Variants in PPIL4 observed in about 807,000 individuals in gnomAD.
The protein encoded by PPIL4 is peptidylprolyl isomerase like 4, also known as peptidyl-prolyl cis-trans isomerase-like 4.
In PPIL4, 50 loss-of-function variants were observed where a neutral mutation model predicts 69.1. That is an observed-to-expected ratio of 0.72 (90% CI 0.58 to 0.92). The LOEUF (loss-of-function observed/expected upper bound fraction) is 0.92. PPIL4 is among the 40% of genes least tolerant of loss of function. The pLI is 0.00. For missense variants in PPIL4, 480 were observed against 587.9 expected, an observed-to-expected ratio of 0.82 and a Z score of 1.90; for synonymous variants, 193 against 191.6, an observed-to-expected ratio of 1.01 and a Z score of -0.06.
intron 11 of PPIL4, among the ~76,000 whole-genome samples, chr6:149,515,469 C>T (rs1776930277): frequency 6.6e-6 from 1 of 152,144 alleles, no homozygotes. Flanking sequence ...ATTCTCTAAC[C>T]TCTCGCCCCC....
chr6:149,513,412 A>AATATATATATAT (rs1200919281), intron 11 of PPIL4, among the ~76,000 whole-genome samples: 7 of 55,320 alleles, frequency 1.3e-4, no homozygotes, highest in African/African-American at 4.6e-4. Flanking sequence ...AAAAAAAAAA[A>AATATATATATAT]ATATATATAT....
At chr6:149,536,863 C>CAAGT (rs1211297665) in intron 4 of PPIL4, among the ~76,000 whole-genome samples, 4 of 152,144 alleles carry the variant, frequency 2.6e-5, no homozygotes, top group Non-Finnish European at 5.9e-5. Context: ...CAGTGGCTCA[C>CAAGT]GCCTATGTAA....
chr6:149,541,711 G>A, intron 1 of PPIL4, 125 bp from the exon 2 acceptor site: 2 of 596,080 alleles, frequency 3.4e-6, no homozygotes, highest in Non-Finnish European at 5.9e-6. Flanking sequence ...AATGTCCAAA[G>A]CTATAAAAAA....
At chr6:149,512,007 T>C (rs916652205) in intron 12 of PPIL4, 148 bp downstream of exon 12, 1 of 548,126 alleles carries the variant, frequency 1.8e-6, no homozygotes, top group Admixed American at 3.1e-5. Flanking sequence ...TAAAATCCCA[T>C]ACCCCAGTGC....
At chr6:149,534,069 T>C (rs1021592181) in intron 6 of PPIL4, among the ~76,000 whole-genome samples, 8 of 151,972 alleles carry the variant, frequency 5.3e-5, no homozygotes, top group African/African-American at 1.9e-4. Flanking sequence ...GGCACGAGAA[T>C]TGCTTGAATG....
At chr6:149,519,474 A>C (rs796424398) in intron 10 of PPIL4, among the ~76,000 whole-genome samples, 14 of 152,318 alleles carry the variant, frequency 9.2e-5, no homozygotes, top group African/African-American at 3.1e-4. Context: ...TGTAATTTTC[A>C]TATGTGGAAA....
Position 149,535,676 on chromosome 6 carries a change from C to T in PPIL4, c.384G>A (p.Glu128=), listed in dbSNP as rs543957586. The stretch of plus-strand genomic sequence containing the variant: ...TAATTATGTCCATGCCTTCTGTCAC[C>T]TCACCAAACACCGTATGGACACCAT... ...YLDGVHTVFG[E]VTEGMDIIKK... Residue 128 remains glutamate (E), a synonymous_variant, in exon 5 of 13, where the codon GAG becomes GAA. Transcript: ENST00000253329. The T allele has an allele frequency of 6.8e-6, 11 of 1,611,396 alleles. No homozygotes were observed. The South Asian group carries it at 9.9e-5, about 14-fold the overall frequency.
chr6:149,510,459 CAG>C (rs1318977305), intron 12 of PPIL4, among the ~76,000 whole-genome samples: 2 of 152,022 alleles, frequency 1.3e-5, no homozygotes, highest in African/African-American at 4.8e-5. Context: ...AAAAATGAAA[CAG>C]GGCCGGGCGC....
Position 149,545,916 on chromosome 6 carries a change from G to A in PPIL4, c.70+20C>T. 2 of 1,571,102 alleles carry A rather than the reference G, an allele frequency of 1.3e-6. No homozygotes were observed. Among genetic ancestry groups the A allele is most frequent in the African/African-American group, 1.4e-5 (1 of 73,938 alleles). On this transcript the variant is annotated intron_variant, in intron 1 of 12. Transcript: ENST00000253329. ...AAGCTCGGGGGCCCCGGCGACAGGT[G>A]AGTGGGGCTCAAGCCTCACCACGCG... is the stretch of plus-strand genomic sequence containing the variant.
chr6:149,543,636 T>C (rs568323052), intron 1 of PPIL4, among the ~76,000 whole-genome samples: 5 of 152,180 alleles, frequency 3.3e-5, no homozygotes, highest in Admixed American at 3.3e-4. Context: ...CTTTTCCCTG[T>C]CAAGTTTTTT....
intron 3 of PPIL4, 97 bp downstream of exon 3, chr6:149,541,270 C>G (rs1583213557): frequency 1.8e-6 from 1 of 541,900 alleles, no homozygotes; most frequent in Non-Finnish European, 2.9e-6. Context: ...TATATTTTTC[C>G]TCATTTAAGA....
chr6:149,520,213 G>C (rs1777008422), intron 10 of PPIL4, among the ~76,000 whole-genome samples: 1 of 151,796 alleles, frequency 6.6e-6, no homozygotes, highest in African/African-American at 2.4e-5. Flanking sequence ...CTTTTTAAAA[G>C]GAGAAAATCA....
chr6:149,515,902 A>G (rs955363197), intron 11 of PPIL4, among the ~76,000 whole-genome samples: 6 of 152,164 alleles, frequency 3.9e-5, no homozygotes, highest in Middle Eastern at 3.4e-3. Flanking sequence ...CTTATTAATA[A>G]TCTATACTTT....
chr6:149,513,413 ATATATATAT>A (rs1310337657), intron 11 of PPIL4, among the ~76,000 whole-genome samples: 1 of 43,984 alleles, frequency 2.3e-5, no homozygotes, highest in African/African-American at 1.0e-4. Context: ...AAAAAAAAAA[ATATATATAT>A]ATATATATAT....
At chr6:149,515,397 A>C (rs535617478) in intron 11 of PPIL4, among the ~76,000 whole-genome samples, 1 of 152,118 alleles carries the variant, frequency 6.6e-6, no homozygotes, top group Admixed American at 6.5e-5. Context: ...ACTCCACCTC[A>C]GCCCTCCTAT....
intron 7 of PPIL4, among the ~76,000 whole-genome samples, chr6:149,529,573 T>C (rs1008601169): frequency 6.6e-6 from 1 of 151,234 alleles, no homozygotes; most frequent in African/African-American, 2.4e-5. Context: ...CCATCCTGGC[T>C]AACACGGTGA....
At chr6:149,526,813 T>C in intron 7 of PPIL4, 37 bp from the exon 8 acceptor site, 4 of 1,597,028 alleles carry the variant, frequency 2.5e-6, no homozygotes, top group Admixed American at 1.7e-5. Flanking sequence ...AATCAATTCC[T>C]ATTTAGTTTC....
chr6:149,530,902 G>A (rs9689569), intron 7 of PPIL4, among the ~76,000 whole-genome samples: 29,624 of 152,024 alleles, frequency 0.19, 4,395 homozygotes, highest in East Asian at 0.77. Flanking sequence ...GGAGACACCA[G>A]GCAGTGGACT....
At chr6:149,520,682 C>A (rs111441044) in intron 10 of PPIL4, among the ~76,000 whole-genome samples, 3 of 152,052 alleles carry the variant, frequency 2.0e-5, no homozygotes, top group African/African-American at 7.2e-5. Flanking sequence ...TCCTAATTAA[C>A]AGCACTCAAT....
Sources: allele counts gnomAD v4.1 joint callset (sites outside exome capture counted in the v4.1 genomes callset), GRCh38; gene constraint gnomAD v4.1.1; transcripts MANE v1.5; gene names NCBI Gene and HGNC (gene_info 2026-07-23, HGNC 2026-07-21).